DOCK1: variants seen among roughly 807,000 people sequenced by gnomAD.
DOCK1 encodes the protein dedicator of cytokinesis protein 1.
A neutral mutation model predicts 262.7 loss-of-function variants in DOCK1; 138 were observed. The ratio of observed to expected loss-of-function variants is 0.53; its 90% CI spans 0.46 to 0.61. DOCK1 has a LOEUF of 0.61. DOCK1 is among the 20% of genes least tolerant of loss of function. DOCK1 has a pLI of 0.00. For missense variants in DOCK1, 1,908 were observed against 2,370.7 expected (o/e 0.80, Z 4.05); for synonymous variants, 866 against 867.4 (o/e 1.00, Z 0.03).
rs1293333920 is a variant in DOCK1 at position 127,100,348 on chromosome 10, AAG to A, written c.2446-5877_2446-5876del. 6.6e-6 allele frequency among the ~76,000 whole-genome samples: 1 copy of A among 152,012 alleles called. No individual in the cohort carries two copies. Among genetic ancestry groups the A allele is most frequent in the Non-Finnish European group, 1.5e-5 (1 of 67,988 alleles). The stretch of plus-strand genomic sequence containing the variant: ...CGCTGCCTAGAAGGGGGCTGTGAGG[AAG>A]AGAGAACACCCGGTGTGATGCCCAG... On this transcript the variant is annotated intron_variant, in intron 23 of 51. Coordinates refer to ENST00000623213, the MANE Select transcript of DOCK1 (RefSeq NM_001290223.2). The surrounding 1 kb of genome is among the most constrained non-coding windows in gnomAD (Gnocchi z 5.5).
rs182516137 is a variant in DOCK1 at position 127,256,133 on chromosome 10, T to A, written c.2950-1202T>A. On this transcript the variant is annotated intron_variant, in intron 28 of 51. Coordinates refer to ENST00000623213, the MANE Select transcript of DOCK1 (RefSeq NM_001290223.2). Reference sequence around the variant, plus strand: ...TAATAGAGTGATCAGGATCACTCATTTTATTTATGGTGGGGGCACACCAAA... The same window carrying A: ...TAATAGAGTGATCAGGATCACTCATATTATTTATGGTGGGGGCACACCAAA... 9.9e-4 allele frequency among the ~76,000 whole-genome samples: 151 copies of A among 152,296 alleles called. 1 individual carries two copies. Among genetic ancestry groups the A allele is most frequent in the Admixed American group, 2.6e-3 (40 of 15,296 alleles).
chr10:127,183,384 G>A lies in DOCK1; in HGVS notation c.2847+55620G>A, dbSNP rs188250948. Among the ~76,000 whole-genome samples the A allele has an allele frequency of 1.4e-3, 214 of 152,254 alleles. 1 individual carries two copies. The highest frequency in any genetic ancestry group is 9.3e-4 in the Non-Finnish European group (63 of 68,014). On this transcript the variant is annotated intron_variant, in intron 27 of 51. Coordinates refer to ENST00000623213, the MANE Select transcript of DOCK1 (RefSeq NM_001290223.2). The stretch of plus-strand genomic sequence containing the variant: ...AATGGATCCCTCTTGTATTTTCATC[G>A]TAGTATGAAAATGCCACAATGTTTC...
intron 23 of DOCK1, among the ~76,000 whole-genome samples, chr10:127,098,258 A>G (rs1012499853): frequency 2.0e-5 from 3 of 152,224 alleles, no homozygotes; most frequent in Admixed American, 6.5e-5. Context: ...AATGTCCTCA[A>G]TTTCTATCAC....
At chr10:127,349,205 C>T (rs896621412) in intron 31 of DOCK1, among the ~76,000 whole-genome samples, 1 of 151,990 alleles carries the variant, frequency 6.6e-6, no homozygotes, top group African/African-American at 2.4e-5. Context: ...GTCTCCTTTC[C>T]CCACCTCCCA....
intron 11 of DOCK1, among the ~76,000 whole-genome samples, chr10:127,009,688 CTT>C: frequency 6.6e-6 from 1 of 152,168 alleles, no homozygotes; most frequent in Admixed American, 6.6e-5. Flanking sequence ...TCTTAATCGA[CTT>C]CAGACTTGAA....
intron 31 of DOCK1, among the ~76,000 whole-genome samples, chr10:127,351,253 G>A (rs555517825): frequency 1.3e-5 from 2 of 152,172 alleles, no homozygotes; most frequent in Middle Eastern, 3.4e-3. Context: ...ACCGTGGGTG[G>A]GCTCAGGTAA....
intron 19 of DOCK1, 99 bp from the exon 20 acceptor site, chr10:127,042,526 A>C (rs947611586): frequency 1.9e-6 from 2 of 1,078,628 alleles, no homozygotes; most frequent in African/African-American, 1.6e-5. Context: ...GCTGGGGGCA[A>C]AGTGGGTATT....
chr10:127,098,952 ACT>A (rs1008784350), intron 23 of DOCK1, among the ~76,000 whole-genome samples: 3 of 151,866 alleles, frequency 2.0e-5, no homozygotes, highest in African/African-American at 7.3e-5. Context: ...AACACTTGAA[ACT>A]CTGACAAATA....
chr10:127,237,109 A>T (rs1056868456), intron 27 of DOCK1, among the ~76,000 whole-genome samples: 1 of 152,188 alleles, frequency 6.6e-6, no homozygotes, highest in African/African-American at 2.4e-5. Context: ...CTGTAATCCC[A>T]GCACTTTGGG....
intron 1 of DOCK1, among the ~76,000 whole-genome samples, chr10:126,915,431 G>T (rs367779991): frequency 7.3e-5 from 5 of 68,406 alleles, no homozygotes; most frequent in Non-Finnish European, 1.8e-4. Context: ...TTTTGGGGGC[G>T]GGGGGGGGAT....
intron 23 of DOCK1, among the ~76,000 whole-genome samples, chr10:127,077,053 G>A (rs1475445978): frequency 2.0e-5 from 3 of 152,098 alleles, no homozygotes; most frequent in Non-Finnish European, 1.5e-5. Flanking sequence ...GAAAATGTCA[G>A]GGTAACTTAA....
chr10:127,065,107 T>A (rs1011258525), intron 23 of DOCK1, among the ~76,000 whole-genome samples: 5 of 152,168 alleles, frequency 3.3e-5, no homozygotes, highest in African/African-American at 1.2e-4. Flanking sequence ...CCTTCCCGGT[T>A]CAAGTGATTC....
In DOCK1 at chr10:127,384,773, C is replaced by G; in HGVS notation, c.3808-17C>G. 1 of 1,552,318 alleles carries G rather than the reference C, an allele frequency of 6.4e-7. No homozygotes were observed. The highest frequency in any genetic ancestry group is 8.7e-7 in the Non-Finnish European group (1 of 1,155,416). On this transcript the variant is annotated splice_polypyrimidine_tract_variant and intron_variant, in intron 37 of 51. Coordinates refer to ENST00000623213, the MANE Select transcript of DOCK1 (RefSeq NM_001290223.2). ...TGTTTCCGCCTCGGGTCCGCTCATG[C>G]TATGCTTCTCCCTTAGTGGTCGGAG...
At chr10:127,390,528 T>C (rs1309139716) in intron 38 of DOCK1, among the ~76,000 whole-genome samples, 1 of 151,968 alleles carries the variant, frequency 6.6e-6, no homozygotes, top group Non-Finnish European at 1.5e-5. Flanking sequence ...CTGGTGTCCT[T>C]ATAAGAAGGG....
chr10:127,154,038 A>G, intron 27 of DOCK1: 1 of 725,692 alleles, frequency 1.4e-6, no homozygotes, highest in South Asian at 1.6e-5. Flanking sequence ...TGGTCATGGA[A>G]ATTGATTAAT....
At chr10:127,011,555 C>T (rs566395863) in intron 11 of DOCK1, among the ~76,000 whole-genome samples, 35 of 152,310 alleles carry the variant, frequency 2.3e-4, no homozygotes, top group Non-Finnish European at 4.1e-4. Context: ...ATATGCCCCC[C>T]GTTTGTAGCC....
At chr10:127,261,371 A>C (rs1193622692) in intron 29 of DOCK1, among the ~76,000 whole-genome samples, 1 of 71,804 alleles carries the variant, frequency 1.4e-5, no homozygotes, top group South Asian at 5.0e-4. Flanking sequence ...GTGTGTGTGC[A>C]TGTGGGTGTG....
chr10:127,216,788 A>G (rs2058233663), intron 27 of DOCK1, among the ~76,000 whole-genome samples: 1 of 152,220 alleles, frequency 6.6e-6, no homozygotes, highest in Non-Finnish European at 1.5e-5. Flanking sequence ...GAAGTTCTGA[A>G]GTACTTAAAA....
chr10:127,357,851 G>T (rs1383085907), intron 32 of DOCK1, among the ~76,000 whole-genome samples: 1 of 152,158 alleles, frequency 6.6e-6, no homozygotes, highest in Non-Finnish European at 1.5e-5. Flanking sequence ...AGCCCCTCAG[G>T]ATGGCTAAGG....
Sources: allele counts gnomAD v4.1 joint callset (sites outside exome capture counted in the v4.1 genomes callset), GRCh38; gene constraint gnomAD v4.1.1; non-coding constraint Gnocchi (gnomAD v3.1); transcripts MANE v1.5; gene names NCBI Gene and HGNC (gene_info 2026-07-23, HGNC 2026-07-21).